MYH3: variants seen among roughly 807,000 people sequenced by gnomAD.
MYH3 encodes myosin-3.
MYH3 carries 130 observed loss-of-function variants against 238.0 expected under a neutral mutation model. The ratio of observed to expected loss-of-function variants is 0.55; its 90% CI spans 0.47 to 0.63. The LOEUF is 0.63. Among genes scored for constraint, MYH3 ranks in the 30% least tolerant of loss-of-function variants. The pLI is 0.00. For missense variants in MYH3, 1,853 were observed against 2,374.9 expected, an observed-to-expected ratio of 0.78 and a Z score of 4.57; for synonymous variants, 880 against 924.1, an observed-to-expected ratio of 0.95 and a Z score of 0.86.
chr17:10,629,901 C>A lies in MYH3; in HGVS notation c.5599G>T (p.Asp1867Tyr), dbSNP rs1398095307. Residue 1867 changes from aspartate to tyrosine, a missense_variant, in exon 39 of 41, where the codon GAT becomes TAT. This residue lies in a region of MYH3 where 1,044 missense variants were observed against 1,192.6 expected (regional missense o/e 0.88). Transcript: ENST00000583535. ...EDRKNVLRLQ[D>Y]LVDKLQVKVK... Reference sequence around the variant, plus strand: ...TTCACTTGCAGTTTATCCACCAGATCCTGCAATCTCAGCACATTCTTCCTG... The same window carrying A: ...TTCACTTGCAGTTTATCCACCAGATACTGCAATCTCAGCACATTCTTCCTG... 1 of 1,614,168 alleles carries A rather than the reference C, an allele frequency of 6.2e-7. No homozygotes were observed. Among genetic ancestry groups the A allele is most frequent in the African/African-American group, 1.3e-5 (1 of 75,030 alleles).
rs199548678 is a variant in MYH3, at chr17:10,641,217, G to A, written c.2048-15C>T. ...TTCCATAGCCCCTGGGAACAGAAGC[G>A]AGATATCAGCCTTACACAGAATTTC... On this transcript the variant is annotated splice_polypyrimidine_tract_variant and intron_variant, in intron 18 of 40. Coordinates refer to ENST00000583535, the MANE Select transcript of MYH3 (RefSeq NM_002470.4). The A allele has an allele frequency of 1.9e-5, 30 of 1,612,262 alleles. No homozygotes were observed. The highest frequency in any genetic ancestry group is 8.9e-5 in the East Asian group (4 of 44,858).
chr17:10,636,213 TG>T (rs1434398214), intron 28 of MYH3, among the ~76,000 whole-genome samples: 1 of 140,732 alleles, frequency 7.1e-6, no homozygotes, highest in African/African-American at 2.6e-5. Context: ...CCCAGCTACT[TG>T]GGAGGCTGAG....
chr17:10,649,304 A>C (rs2074352601), intron 7 of MYH3, among the ~76,000 whole-genome samples: 1 of 152,202 alleles, frequency 6.6e-6, no homozygotes, highest in Non-Finnish European at 1.5e-5. Context: ...TGATTCTTCC[A>C]CAAAAGAACA....
intron 2 of MYH3, among the ~76,000 whole-genome samples, chr17:10,655,687 T>C (rs910578342): frequency 1.3e-5 from 2 of 151,674 alleles, no homozygotes; most frequent in African/African-American, 4.9e-5. Flanking sequence ...GGAGTCTCAC[T>C]CTGTCACAGA....
rs773810939 is a variant in MYH3 at position 10,638,035 on chromosome 17, C to T, written c.3729+8G>A. The T allele has an allele frequency of 1.5e-5, 25 of 1,613,996 alleles. No individual in the cohort carries two copies. The highest frequency in any genetic ancestry group is 1.1e-4 in the African/African-American group (8 of 74,950). The stretch of plus-strand genomic sequence containing the variant: ...AAAGCCTTGAGCCACCCCCACCCCG[C>T]GCAGCACCTTAGATTTCGACACACT... On this transcript the variant is annotated splice_region_variant and intron_variant, in intron 27 of 40. Transcript: ENST00000583535.
At position 10,642,906 on chromosome 17, in the gene MYH3, C is replaced by A. The variant is rs1469787998; in HGVS notation, c.1501G>T (p.Glu501Ter). The change falls in exon 15 of 41, where the codon GAG becomes TAG. Residue 501 changes from glutamate (E) to a stop codon, truncating the protein, a stop_gained. Transcript: ENST00000583535. LOFTEE classifies it high-confidence loss of function. This position sits in a 1 kb window ranked among gnomAD's most constrained non-coding sequence, Gnocchi z 5.4. ...CACTCGATGCCTTCCTTCTTGTACTCCTCCTGCTCCAGCACGAACATGTGG... is the reference window on the plus strand; with the variant it reads ...CACTCGATGCCTTCCTTCTTGTACTACTCCTGCTCCAGCACGAACATGTGG... ...NHHMFVLEQE[E>*]YKKEGIEWTF... The A allele has an allele frequency of 6.8e-6, 11 of 1,614,092 alleles. No homozygotes were observed. The highest frequency in any genetic ancestry group is 9.3e-6 in the Non-Finnish European group (11 of 1,180,048).
rs181738077 is a variant in MYH3 at position 10,631,494 on chromosome 17, G to A, written c.5286+117C>T. The A allele has an allele frequency of 1.3e-5, 20 of 1,486,358 alleles. No homozygotes were observed. In the African/African-American group the frequency reaches 1.8e-4, roughly 13 times the overall value. 92.1% of individuals were successfully genotyped at this position (1,486,358 alleles called of 1,614,324 possible). A position where few individuals can be genotyped will look rare whatever the true frequency, so the allele number is the denominator to read the frequency against. ...AGTTTGAGCGGAGATGGGAGCCCTC[G>A]GGGAGCAGAATGTGCACCAGGTGTG... On this transcript the variant is annotated intron_variant, in intron 36 of 40. Coordinates refer to ENST00000583535, the MANE Select transcript of MYH3 (RefSeq NM_002470.4).
chr17:10,637,892 C>T lies in MYH3; in HGVS notation c.3773G>A (p.Ser1258Asn). Residue 1258 changes from serine to asparagine, a missense_variant, in exon 28 of 41, where the codon AGT (serine) becomes AAT (asparagine). Coordinates refer to ENST00000583535, the MANE Select transcript of MYH3 (RefSeq NM_002470.4). Reference protein sequence around the residue: ...KICRTLEDQLSEARGKNEEIQ... With the variant: ...KICRTLEDQLNEARGKNEEIQ... ...TTCCTCATTCTTGCCCCTGGCCTCA[C>T]TTAACTGATCCTCCAGGGTTCGGCA... 6.2e-7 allele frequency: 1 copy of T among 1,614,158 alleles called. No homozygotes were observed. The highest frequency in any genetic ancestry group is 8.5e-7 in the Non-Finnish European group (1 of 1,180,038).
intron 27 of MYH3, 22 bp from the exon 28 acceptor site, chr17:10,637,957 G>A (rs1490729743): frequency 6.2e-7 from 1 of 1,614,038 alleles, no homozygotes; most frequent in Non-Finnish European, 8.5e-7. Context: ...AGAAAGGGGA[G>A]CAAAGTCAGT....
chr17:10,663,484 A>C, the MYH3 span, among the ~76,000 whole-genome samples: 1 of 152,254 alleles, frequency 6.6e-6, no homozygotes. Flanking sequence ...CATCCTCAGC[A>C]AGGGGACAGG....
chr17:10,648,434 C>A, intron 8 of MYH3, 123 bp downstream of exon 8: 3 of 843,420 alleles, frequency 3.6e-6, no homozygotes, highest in South Asian at 1.3e-5. Flanking sequence ...CTGAAATGGT[C>A]TTGTTGGGTT....
At chr17:10,675,600 C>A in the MYH3 span, 3 of 152,190 alleles carry the variant, frequency 2.0e-5, no homozygotes, top group Non-Finnish European at 4.4e-5. Flanking sequence ...CCTGGCACCC[C>A]CTTCTGAATT....
At chr17:10,673,566 G>A in the MYH3 span, 2 of 152,340 alleles carry the variant, frequency 1.3e-5, no homozygotes, top group Middle Eastern at 3.4e-3. Context: ...TAACTAAGAC[G>A]GCCTTAGCAG....
At position 10,628,612 on chromosome 17, in the gene MYH3, T is replaced by C. The variant is rs781457320; in HGVS notation, c.*41A>G. 12 of 1,608,180 alleles carry C rather than the reference T, an allele frequency of 7.5e-6. No homozygotes were observed. Among genetic ancestry groups the C allele is most frequent in the Non-Finnish European group, 9.4e-6 (11 of 1,174,704 alleles). ...TCAATGGTCAGGAATCAAGAAAATA[T>C]ACATTTTGCATATCTTCTGTCCTGC... On this transcript the variant is annotated 3_prime_UTR_variant, in exon 41 of 41. Coordinates refer to ENST00000583535, the MANE Select transcript of MYH3 (RefSeq NM_002470.4).
upstream of MYH3, chr17:10,657,396 T>C (rs1259776412): frequency 6.6e-6 from 1 of 152,236 alleles, no homozygotes; most frequent in Non-Finnish European, 1.5e-5. Flanking sequence ...AGAGGATGAG[T>C]GGCCCCCCCA....
In MYH3 at chr17:10,642,865, G is replaced by A. The variant is rs530556802; in HGVS notation, c.1542C>T (p.Phe514=). 127 of 1,614,164 alleles carry A rather than the reference G, an allele frequency of 7.9e-5. 4 individuals are homozygous for A. In the South Asian group the frequency reaches 1.3e-3, roughly 16 times the overall value. ...KEGIEWTFID[F]GMDLAACIEL... is the part of the protein sequence containing the mutation. ...CGATGCAGGCAGCCAGGTCCATCCC[G>A]AAGTCAATGAACGTCCACTCGATGC... is the stretch of plus-strand genomic sequence containing the variant. The change falls in exon 15 of 41, where the codon TTC becomes TTT. Residue 514 remains phenylalanine, a synonymous_variant. Transcript: ENST00000583535. The surrounding 1 kb of genome is among the most constrained non-coding windows in gnomAD (Gnocchi z 5.4).
chr17:10,649,935 A>G (rs2142419375), intron 6 of MYH3, among the ~76,000 whole-genome samples: 1 of 151,998 alleles, frequency 6.6e-6, no homozygotes, highest in South Asian at 2.1e-4. Flanking sequence ...CCCATCCCCA[A>G]ATCGATCTTT....
At chr17:10,649,486 G>C (rs758841042) in intron 7 of MYH3, 91 bp downstream of exon 7, 1 of 982,506 alleles carries the variant, frequency 1.0e-6, no homozygotes, top group African/African-American at 1.6e-5. Context: ...TCTGAAGAGG[G>C]GGGAATGTGA....
the MYH3 span, chr17:10,677,515 CAT>C: frequency 6.6e-6 from 1 of 152,246 alleles, no homozygotes; most frequent in African/African-American, 2.4e-5. Context: ...TTCTTTTAAA[CAT>C]AAATTTAAGA....
Sources: allele counts gnomAD v4.1 joint callset (sites outside exome capture counted in the v4.1 genomes callset), GRCh38; gene constraint gnomAD v4.1.1; regional missense constraint gnomAD v4.1.1; non-coding constraint Gnocchi (gnomAD v3.1); transcripts MANE v1.5; gene names NCBI Gene and HGNC (gene_info 2026-07-23, HGNC 2026-07-21).